Variants in PCDHAC1 observed in about 807,000 individuals in gnomAD.
The protein encoded by PCDHAC1 is protocadherin alpha subfamily C, 1.
PCDHAC1 carries 42 observed loss-of-function variants against 60.0 expected under a neutral mutation model. The observed-to-expected ratio is 0.70, with a 90% CI of 0.55 to 0.90. The LOEUF (loss-of-function observed/expected upper bound fraction) is 0.90, where lower values mean the gene tolerates loss of function less well. PCDHAC1 is among the 40% of genes least tolerant of loss of function. The probability of loss-of-function intolerance (pLI) is 0.00; values close to 1 mark genes in which losing one functional copy is unlikely to be tolerated. For missense variants in PCDHAC1, 1,160 were observed against 1,222.3 expected, an observed-to-expected ratio of 0.95 and a Z score of 0.76; for synonymous variants, 468 against 499.3, an observed-to-expected ratio of 0.94 and a Z score of 0.84.
chr5:140,982,992 A>G (rs1413932820), intron 3 of PCDHAC1, among the ~76,000 whole-genome samples: 1 of 151,958 alleles, frequency 6.6e-6, no homozygotes, highest in African/African-American at 2.4e-5. Flanking sequence ...GAGAAAAAGA[A>G]GGAAAGAAAG....
chr5:140,961,054 T>C (rs1290831214), intron 1 of PCDHAC1, among the ~76,000 whole-genome samples: 2 of 152,136 alleles, frequency 1.3e-5, no homozygotes, highest in African/African-American at 4.8e-5. Context: ...AACAAAATGT[T>C]GAATGGGATA....
intron 1 of PCDHAC1, among the ~76,000 whole-genome samples, chr5:140,953,801 T>C (rs2094937379): frequency 6.6e-6 from 1 of 152,204 alleles, no homozygotes; most frequent in Non-Finnish European, 1.5e-5. Flanking sequence ...ACTTTTAAGT[T>C]CTGAGGTGCA....
At chr5:140,948,027 G>T (rs530195389) in intron 1 of PCDHAC1, among the ~76,000 whole-genome samples, 1 of 151,544 alleles carries the variant, frequency 6.6e-6, no homozygotes, top group Non-Finnish European at 1.5e-5. Flanking sequence ...TTTCTGGTTT[G>T]CTCAGAGTTT....
intron 1 of PCDHAC1, among the ~76,000 whole-genome samples, chr5:140,974,081 C>T (rs1432185201): frequency 6.6e-6 from 1 of 152,196 alleles, no homozygotes; most frequent in African/African-American, 2.4e-5. Context: ...ATAACCATGA[C>T]TTCAAAAATC....
In PCDHAC1 at chr5:140,927,167, C is replaced by G; in HGVS notation, c.275C>G (p.Ala92Gly). The change falls in exon 1 of 4, where the codon GCC becomes GGC. Residue 92 changes from alanine (A) to glycine (G), a missense_variant. Coordinates refer to ENST00000253807, the MANE Select transcript of PCDHAC1 (RefSeq NM_018898.5). Reference sequence around the variant, plus strand: ...GAACAGCTGTGCAGGGCCAAAGCTGCCTGCGTCTTGACCTACGACCTGGTG... The same window carrying G: ...GAACAGCTGTGCAGGGCCAAAGCTGGCTGCGTCTTGACCTACGACCTGGTG... ...DREQLCRAKA[A>G]CVLTYDLVLE... The G allele has an allele frequency of 1.9e-6, 3 of 1,614,164 alleles. No individual in the cohort carries two copies. Among genetic ancestry groups the G allele is most frequent in the Non-Finnish European group, 2.5e-6 (3 of 1,180,030 alleles).
intron 3 of PCDHAC1, among the ~76,000 whole-genome samples, chr5:140,999,135 C>T (rs2097848218): frequency 6.6e-6 from 1 of 152,180 alleles, no homozygotes; most frequent in Non-Finnish European, 1.5e-5. Context: ...GAAAATGTCA[C>T]AGCCGGAAGT....
At chr5:140,974,905 A>G (rs1276795577) in intron 1 of PCDHAC1, among the ~76,000 whole-genome samples, 2 of 152,208 alleles carry the variant, frequency 1.3e-5, no homozygotes, top group African/African-American at 4.8e-5. Context: ...TTTGTAACAA[A>G]TTACCACAAG....
chr5:140,951,703 C>T (rs1000873823), intron 1 of PCDHAC1, among the ~76,000 whole-genome samples: 3 of 152,110 alleles, frequency 2.0e-5, no homozygotes, highest in Non-Finnish European at 2.9e-5. Context: ...GAGCTTTGGG[C>T]GGGGACACAG....
intron 1 of PCDHAC1, 119 bp from the exon 2 acceptor site, chr5:140,978,830 C>T: frequency 6.5e-7 from 1 of 1,535,340 alleles, no homozygotes; most frequent in Non-Finnish European, 8.8e-7. Context: ...TGAAATGGCT[C>T]ATTCAATACT....
intron 3 of PCDHAC1, among the ~76,000 whole-genome samples, chr5:140,996,144 T>C (rs2097714056): frequency 6.6e-6 from 1 of 152,210 alleles, no homozygotes; most frequent in African/African-American, 2.4e-5. Context: ...TCCCATTATC[T>C]TGCCTTCCTT....
intron 1 of PCDHAC1, among the ~76,000 whole-genome samples, chr5:140,972,665 T>A (rs1554234345): frequency 6.7e-6 from 1 of 148,584 alleles, no homozygotes; most frequent in Non-Finnish European, 1.5e-5. Flanking sequence ...ACCAAATTTT[T>A]TTTTTTTTTT....
chr5:140,927,217 A>C lies in PCDHAC1; in HGVS notation c.325A>C (p.Lys109Gln). 1 of 1,614,082 alleles carries C rather than the reference A, an allele frequency of 6.2e-7. No homozygotes were observed. Among genetic ancestry groups the C allele is most frequent in the Non-Finnish European group, 8.5e-7 (1 of 1,179,998 alleles). ...LVLEDPLELH[K>Q]IRIHVLDTND... is the part of the protein sequence containing the mutation. ...GCTCGAGGACCCGCTGGAGCTGCAC[A>C]AGATTCGGATTCACGTCCTGGACAC... Residue 109 changes from lysine (K) to glutamine (Q), a missense_variant, in exon 1 of 4, where the codon AAG becomes CAG. Physicochemically the swap from Lys to Gln is moderately conservative, Grantham distance 53. This residue lies in a region of PCDHAC1 where 1,113 missense variants were observed against 1,163.7 expected (regional missense o/e 0.96). Coordinates refer to ENST00000253807, the MANE Select transcript of PCDHAC1 (RefSeq NM_018898.5).
At chr5:140,941,194 T>TTTCTTC (rs2092780236) in intron 1 of PCDHAC1, among the ~76,000 whole-genome samples, 5 of 112,438 alleles carry the variant, frequency 4.4e-5, no homozygotes, top group African/African-American at 1.8e-4. Flanking sequence ...TCTTTTTTTT[T>TTTCTTC]CTTTCTTCCT....
At chr5:141,005,311 A>C (rs2098206135) in intron 3 of PCDHAC1, among the ~76,000 whole-genome samples, 6 of 152,310 alleles carry the variant, frequency 3.9e-5, no homozygotes, top group Middle Eastern at 6.8e-3. Flanking sequence ...TGAATCTTAC[A>C]GTGGTAGAGA....
At chr5:140,968,529 C>T in intron 1 of PCDHAC1, 1 of 1,614,206 alleles carries the variant, frequency 6.2e-7, no homozygotes, top group Non-Finnish European at 8.5e-7. Flanking sequence ...ACCAACTCGT[C>T]AGCAGCCTTC....
intron 1 of PCDHAC1, among the ~76,000 whole-genome samples, chr5:140,950,241 G>T (rs191139851): frequency 2.0e-5 from 3 of 152,014 alleles, no homozygotes; most frequent in African/African-American, 4.8e-5. Flanking sequence ...CCATTAATTT[G>T]TTCCTAAAGA....
chr5:140,960,249 T>C (rs2095534563), intron 1 of PCDHAC1, among the ~76,000 whole-genome samples: 1 of 152,210 alleles, frequency 6.6e-6, no homozygotes, highest in African/African-American at 2.4e-5. Flanking sequence ...AGAAGCTTCC[T>C]GGAGCTTCTG....
intron 1 of PCDHAC1, among the ~76,000 whole-genome samples, chr5:140,953,278 T>C (rs1227774652): frequency 6.6e-5 from 10 of 152,146 alleles, no homozygotes; most frequent in African/African-American, 2.4e-4. Flanking sequence ...CTTTGCTCTT[T>C]ATATGTGATT....
intron 1 of PCDHAC1, chr5:140,967,766 T>C: frequency 6.2e-7 from 1 of 1,614,218 alleles, no homozygotes; most frequent in Non-Finnish European, 8.5e-7. Flanking sequence ...CTACCAGATC[T>C]ATGTGCAGGC....
Sources: allele counts gnomAD v4.1 joint callset (sites outside exome capture counted in the v4.1 genomes callset), GRCh38; gene constraint gnomAD v4.1.1; regional missense constraint gnomAD v4.1.1; transcripts MANE v1.5; gene names NCBI Gene and HGNC (gene_info 2026-07-23, HGNC 2026-07-21).